MYO10: variants seen among roughly 807,000 people sequenced by gnomAD.
MYO10 encodes the protein unconventional myosin-X.
MYO10 carries 133 observed loss-of-function variants against 257.3 expected under a neutral mutation model. The observed-to-expected ratio is 0.52, with a 90% confidence interval of 0.45 to 0.60. MYO10 has a LOEUF of 0.60. Among genes scored for constraint, MYO10 ranks in the 20% least tolerant of loss-of-function variants. The pLI is 0.00. For synonymous variants in MYO10, 1,104 were observed against 1,028.6 expected (o/e 1.07, Z -1.40); for missense variants, 2,399 against 2,635.7 (o/e 0.91, Z 1.97).
At chr5:16,824,014 ACC>A in intron 2 of MYO10, among the ~76,000 whole-genome samples, 1 of 152,120 alleles carries the variant, frequency 6.6e-6, no homozygotes, top group Admixed American at 6.5e-5. Context: ...AGAAGTACAA[ACC>A]GCTGGTAACA....
In MYO10 at chr5:16,670,510, G is replaced by A. The variant is rs756742278; in HGVS notation, c.5883+16C>T. ...CAGCACCCAGCCCACCCCAACACAC[G>A]GCAGCCAGTTCTCACCTCCACATCA... is the stretch of plus-strand genomic sequence containing the variant. On this transcript the variant is annotated intron_variant, in intron 39 of 40. Transcript: ENST00000513610. 3.8e-6 allele frequency: 6 copies of A among 1,581,568 alleles called. No individual in the cohort carries two copies. The highest frequency in any genetic ancestry group is 1.3e-5 in the African/African-American group (1 of 74,362).
chr5:16,869,525 G>A (rs564848773), intron 2 of MYO10, among the ~76,000 whole-genome samples: 6 of 151,810 alleles, frequency 4.0e-5, no homozygotes, highest in Non-Finnish European at 7.4e-5. Flanking sequence ...GCTACGACTG[G>A]ACCACTGCAC....
intron 1 of MYO10, among the ~76,000 whole-genome samples, chr5:16,911,686 C>T (rs546797881): frequency 4.6e-5 from 7 of 151,956 alleles, no homozygotes; most frequent in South Asian, 4.2e-4. Flanking sequence ...ATGCCGAGAT[C>T]GCACCACTGC....
chr5:16,902,614 G>C, intron 1 of MYO10: 1 of 1,538,472 alleles, frequency 6.5e-7, no homozygotes, highest in Non-Finnish European at 8.9e-7. Context: ...TTTTTGGCAC[G>C]ACCATTGTTC....
At chr5:16,883,117 G>A (rs567134041) in intron 1 of MYO10, among the ~76,000 whole-genome samples, 8 of 152,006 alleles carry the variant, frequency 5.3e-5, no homozygotes, top group South Asian at 4.2e-4. Context: ...AGGTTTCACC[G>A]TGTTAGCCAG....
chr5:16,744,216 TA>T (rs1740106769), intron 19 of MYO10, among the ~76,000 whole-genome samples: 5 of 152,192 alleles, frequency 3.3e-5, no homozygotes, highest in Admixed American at 3.3e-4. Context: ...AAATAAGTGG[TA>T]AAAATATAAA....
At chr5:16,927,235 AG>A (rs1375034650) in intron 1 of MYO10, among the ~76,000 whole-genome samples, 5 of 108,874 alleles carry the variant, frequency 4.6e-5, no homozygotes, top group Non-Finnish European at 7.1e-5. Flanking sequence ...ATAAAAAAAA[AG>A]TCTCAATGCA....
At chr5:16,867,838 G>A (rs1345205152) in intron 2 of MYO10, among the ~76,000 whole-genome samples, 1 of 152,204 alleles carries the variant, frequency 6.6e-6, no homozygotes, top group African/African-American at 2.4e-5. Context: ...TTTCAACCAA[G>A]CTTAGTTATC....
chr5:16,799,862 A>T (rs1406128731), intron 3 of MYO10, among the ~76,000 whole-genome samples: 2 of 152,138 alleles, frequency 1.3e-5, no homozygotes, highest in East Asian at 3.9e-4. Flanking sequence ...ATTATGTGGC[A>T]TCCTTGCTGA....
At position 16,685,844 on chromosome 5, in the gene MYO10, G is replaced by T; in HGVS notation, c.3897-13C>A. On this transcript the variant is annotated splice_polypyrimidine_tract_variant and intron_variant, in intron 28 of 40. Transcript: ENST00000513610. ...GCTGAACCACTGGCTGTGGGGAAGAGAGAGCAACTGTCAAGGAGAGGCCAA... is the reference window on the plus strand; with the variant it reads ...GCTGAACCACTGGCTGTGGGGAAGATAGAGCAACTGTCAAGGAGAGGCCAA... The T allele has an allele frequency of 6.3e-7, 1 of 1,578,836 alleles. No individual in the cohort carries two copies. Among genetic ancestry groups the T allele is most frequent in the African/African-American group, 1.3e-5 (1 of 74,440 alleles).
chr5:16,791,088 G>A (rs1741737936), intron 4 of MYO10, among the ~76,000 whole-genome samples: 1 of 152,132 alleles, frequency 6.6e-6, no homozygotes, highest in South Asian at 2.1e-4. Context: ...CCAAGTAGCA[G>A]AGGAGCCTAT....
At chr5:16,754,003 T>TTACAATTTAATTACATTACAATTAAATTA (rs1204298589) in intron 19 of MYO10, among the ~76,000 whole-genome samples, 2 of 152,100 alleles carry the variant, frequency 1.3e-5, no homozygotes, top group East Asian at 3.8e-4. Context: ...CAATTAAATT[T>TTACAATTTAATTACATTACAATTAAATTA]TACAATTTAA....
chr5:16,700,991 C>T lies in MYO10; in HGVS notation c.3404G>A (p.Arg1135Gln), dbSNP rs369465995. ...VGTYNSSGAYRFSSEGAQSSF... is the reference protein window; with the variant it reads ...VGTYNSSGAYQFSSEGAQSSF... ...GGACTGCGCCCCCTCAGAGCTGAAC[C>T]GGTAGGCACCCGAGCTGTTGTAGGT... Residue 1135 changes from arginine to glutamine, a missense_variant, in exon 25 of 41, where the codon CGG (arginine) becomes CAG (glutamine). Transcript: ENST00000513610. The T allele has an allele frequency of 1.1e-4, 177 of 1,559,168 alleles. No homozygotes were observed. The highest frequency in any genetic ancestry group is 1.4e-4 in the Non-Finnish European group (157 of 1,151,548).
intron 2 of MYO10, among the ~76,000 whole-genome samples, chr5:16,843,494 C>T (rs1219019017): frequency 6.6e-6 from 1 of 152,154 alleles, no homozygotes; most frequent in African/African-American, 2.4e-5. Context: ...CAGGGTCCCA[C>T]AGTTAGTAAG....
At chr5:16,810,799 A>T (rs1163044200) in intron 3 of MYO10, among the ~76,000 whole-genome samples, 1 of 152,010 alleles carries the variant, frequency 6.6e-6, no homozygotes, top group Non-Finnish European at 1.5e-5. Flanking sequence ...GGCCAGGTGC[A>T]GTGGCTCACG....
intron 2 of MYO10, among the ~76,000 whole-genome samples, chr5:16,856,027 T>TG: frequency 6.6e-6 from 1 of 152,312 alleles, no homozygotes; most frequent in Non-Finnish European, 1.5e-5. Context: ...CAACTGCATT[T>TG]GAAACTTCTA....
At chr5:16,691,866 A>G (rs1163743217) in intron 27 of MYO10, among the ~76,000 whole-genome samples, 1 of 152,220 alleles carries the variant, frequency 6.6e-6, no homozygotes, top group African/African-American at 2.4e-5. Flanking sequence ...CCAATTCACA[A>G]GAAACAAATG....
intron 1 of MYO10, among the ~76,000 whole-genome samples, chr5:16,906,929 C>A (rs1161543201): frequency 1.3e-5 from 2 of 151,864 alleles, no homozygotes; most frequent in East Asian, 1.9e-4. Flanking sequence ...CTGGCTAACA[C>A]GATGAAACCC....
At chr5:16,926,534 T>C (rs2126805058) in intron 1 of MYO10, among the ~76,000 whole-genome samples, 1 of 152,216 alleles carries the variant, frequency 6.6e-6, no homozygotes, top group African/African-American at 2.4e-5. Context: ...AAACCCCGTC[T>C]CTACTGTAAA....
Sources: allele counts gnomAD v4.1 joint callset (sites outside exome capture counted in the v4.1 genomes callset), GRCh38; gene constraint gnomAD v4.1.1; transcripts MANE v1.5; gene names NCBI Gene and HGNC (gene_info 2026-07-23, HGNC 2026-07-21).